Variants in ANKS1B observed in about 807,000 individuals in gnomAD.
ANKS1B encodes the protein ankyrin repeat and sterile alpha motif domain-containing protein 1B.
In ANKS1B, 36 loss-of-function variants were observed where a neutral mutation model predicts 148.3. The ratio of observed to expected loss-of-function variants is 0.24; its 90% CI spans 0.19 to 0.32. The LOEUF (loss-of-function observed/expected upper bound fraction) is 0.32, where lower values mean the gene tolerates loss of function less well. ANKS1B is among the 10% of genes least tolerant of loss of function. ANKS1B has a pLI of 1.00. For synonymous variants in ANKS1B, 542 were observed against 560.8 expected (o/e 0.97, Z 0.47); for missense variants, 1,157 against 1,542.6 (o/e 0.75, Z 4.19).
chr12:99,906,193 C>T (rs1292486368), intron 1 of ANKS1B, among the ~76,000 whole-genome samples: 2 of 152,150 alleles, frequency 1.3e-5, no homozygotes, highest in Non-Finnish European at 2.9e-5. Context: ...CTGGTATTGA[C>T]CCTAAAAGAC....
At position 99,984,269 on chromosome 12, in the gene ANKS1B, G is replaced by A. The variant is rs1566142245; in HGVS notation, c.-32C>T. On this transcript the variant is annotated 5_prime_UTR_variant, in exon 1 of 27. Coordinates refer to ENST00000683438, the MANE Select transcript of ANKS1B (RefSeq NM_001352186.2). ...TCACCGACTCCCCCACAGAGTCCTT[G>A]CCCCCCTCGGGTCCTCCTCCCCACC... The A allele has an allele frequency of 6.3e-7, 1 of 1,585,740 alleles. No individual in the cohort carries two copies. Among genetic ancestry groups the A allele is most frequent in the Non-Finnish European group, 8.6e-7 (1 of 1,164,520 alleles).
intron 1 of ANKS1B, among the ~76,000 whole-genome samples, chr12:99,915,954 T>C (rs2094157519): frequency 6.6e-6 from 1 of 152,198 alleles, no homozygotes; most frequent in Non-Finnish European, 1.5e-5. Flanking sequence ...TCTCCTTGTG[T>C]ACATTTCTGT....
At chr12:99,937,571 T>A (rs1262973453) in intron 1 of ANKS1B, among the ~76,000 whole-genome samples, 1 of 152,104 alleles carries the variant, frequency 6.6e-6, no homozygotes, top group East Asian at 1.9e-4. Flanking sequence ...AGTAGAACAC[T>A]ATGAAAAGAA....
chr12:99,554,670 T>C (rs1425912642), intron 9 of ANKS1B, among the ~76,000 whole-genome samples: 2 of 152,170 alleles, frequency 1.3e-5, no homozygotes, highest in Admixed American at 6.5e-5. Flanking sequence ...TCAGGTCACT[T>C]TGGTCCAATA....
At chr12:99,065,609 T>TCCAC (rs2043889229) in intron 16 of ANKS1B, among the ~76,000 whole-genome samples, 3 of 128,542 alleles carry the variant, frequency 2.3e-5, no homozygotes, top group East Asian at 2.4e-4. Context: ...CATCCATCCA[T>TCCAC]CCATCCATCC....
intron 11 of ANKS1B, among the ~76,000 whole-genome samples, chr12:99,427,702 T>G (rs2095286849): frequency 6.6e-6 from 1 of 152,188 alleles, no homozygotes; most frequent in African/African-American, 2.4e-5. Flanking sequence ...ACCTGTACTA[T>G]GATGAAGCCT....
chr12:98,786,553 C>T, intron 22 of ANKS1B, among the ~76,000 whole-genome samples: 1 of 152,198 alleles, frequency 6.6e-6, no homozygotes, highest in East Asian at 1.9e-4. Flanking sequence ...GCTTTTATTA[C>T]TGCCTTAAAG....
chr12:98,927,862 A>C (rs2099810137), intron 17 of ANKS1B, among the ~76,000 whole-genome samples: 1 of 151,684 alleles, frequency 6.6e-6, no homozygotes, highest in African/African-American at 2.4e-5. Context: ...ACTAAAACAC[A>C]CCTCAAGGCA....
intron 10 of ANKS1B, among the ~76,000 whole-genome samples, chr12:99,481,874 G>A (rs1230155628): frequency 6.6e-6 from 1 of 151,494 alleles, no homozygotes; most frequent in African/African-American, 2.4e-5. Flanking sequence ...GGAATTATTT[G>A]CGGGTTTTTT....
intron 9 of ANKS1B, among the ~76,000 whole-genome samples, chr12:99,580,484 T>C (rs1597456171): frequency 6.6e-6 from 1 of 152,168 alleles, no homozygotes; most frequent in East Asian, 1.9e-4. Flanking sequence ...TTATGTTATG[T>C]GAAATAAGCC....
At chr12:98,799,724 C>T (rs1412877952) in intron 21 of ANKS1B, among the ~76,000 whole-genome samples, 1 of 152,080 alleles carries the variant, frequency 6.6e-6, no homozygotes, top group Non-Finnish European at 1.5e-5. Flanking sequence ...CCTCGTGCTC[C>T]AGCTTCTGGC....
chr12:99,923,532 G>T lies in ANKS1B; in HGVS notation c.134+60572C>A, dbSNP rs1396307669. On this transcript the variant is annotated intron_variant, in intron 1 of 26. Transcript: ENST00000683438. Reference sequence around the variant, plus strand: ...TTTAACAAAGCCCTTCTGATAGAAGGCCAGTAAGGAGTAATCCAGGAGGTA... The same window carrying T: ...TTTAACAAAGCCCTTCTGATAGAAGTCCAGTAAGGAGTAATCCAGGAGGTA... Among the ~76,000 whole-genome samples the T allele has an allele frequency of 3.9e-5, 6 of 152,260 alleles. No individual in the cohort carries two copies. The East Asian group carries it at 1.2e-3, about 29-fold the overall frequency.
At chr12:98,973,209 A>G (rs1286257243) in intron 17 of ANKS1B, among the ~76,000 whole-genome samples, 3 of 128,636 alleles carry the variant, frequency 2.3e-5, no homozygotes, top group African/African-American at 1.1e-4. Context: ...GACTAAACGA[A>G]ATGCAAAAAA....
chr12:99,067,878 ATGTGTGTGTGTG>A (rs10632657), intron 16 of ANKS1B, among the ~76,000 whole-genome samples: 2 of 149,310 alleles, frequency 1.3e-5, no homozygotes, highest in African/African-American at 4.9e-5. Flanking sequence ...GTGTGTGTGC[ATGTGTGTGTGTG>A]TGTGTGTATG....
chr12:98,953,023 TA>T (rs1159539989), intron 17 of ANKS1B, among the ~76,000 whole-genome samples: 1 of 121,974 alleles, frequency 8.2e-6, no homozygotes, highest in East Asian at 2.3e-4. Context: ...TGCACTCAGC[TA>T]TTTTTTTTTT....
At chr12:99,127,571 T>C (rs950849074) in intron 15 of ANKS1B, among the ~76,000 whole-genome samples, 2 of 152,174 alleles carry the variant, frequency 1.3e-5, no homozygotes, top group African/African-American at 4.8e-5. Flanking sequence ...CCTGAGAGGG[T>C]TGCCTTCAGT....
At position 99,021,625 on chromosome 12, in the gene ANKS1B, T is replaced by G. The variant is rs553369067; in HGVS notation, c.2778+31532A>C. On this transcript the variant is annotated intron_variant, in intron 17 of 26. Coordinates refer to ENST00000683438, the MANE Select transcript of ANKS1B (RefSeq NM_001352186.2). ...TGACTTTCACCTTGGGAAAGAACTTTGAAATGAGGAAAACAAAATTGCCCA... is the reference window on the plus strand; with the variant it reads ...TGACTTTCACCTTGGGAAAGAACTTGGAAATGAGGAAAACAAAATTGCCCA... 2.7e-3 allele frequency among the ~76,000 whole-genome samples: 405 copies of G among 152,264 alleles called. 1 individual carries two copies. Among genetic ancestry groups the G allele is most frequent in the African/African-American group, 9.1e-3 (380 of 41,548 alleles).
chr12:99,117,063 T>C (rs2061586721), intron 15 of ANKS1B, among the ~76,000 whole-genome samples: 1 of 152,240 alleles, frequency 6.6e-6, no homozygotes, highest in Non-Finnish European at 1.5e-5. Flanking sequence ...ATCCTGAGAC[T>C]TTGCTGAAGT....
At chr12:99,619,891 T>C (rs2098024450) in intron 9 of ANKS1B, among the ~76,000 whole-genome samples, 1 of 152,124 alleles carries the variant, frequency 6.6e-6, no homozygotes, top group South Asian at 2.1e-4. Flanking sequence ...GACCTGCCTG[T>C]TCCAGTACCA....
Sources: allele counts gnomAD v4.1 joint callset (sites outside exome capture counted in the v4.1 genomes callset), GRCh38; gene constraint gnomAD v4.1.1; transcripts MANE v1.5; gene names NCBI Gene and HGNC (gene_info 2026-07-23, HGNC 2026-07-21).